Variants in NRXN3 observed in about 807,000 individuals in gnomAD.
NRXN3 encodes the protein neurexin III.
NRXN3 carries 32 observed loss-of-function variants against 137.6 expected under a neutral mutation model. The observed-to-expected ratio is 0.23, with a 90% CI of 0.18 to 0.31. The LOEUF is 0.31. Ranked by LOEUF, NRXN3 falls within the 10% of genes least tolerant of loss-of-function variation. NRXN3 has a pLI of 1.00. For synonymous variants in NRXN3, 798 were observed against 784.5 expected (o/e 1.02, Z -0.29); for missense variants, 1,574 against 2,062.5 (o/e 0.76, Z 4.59).
At chr14:79,719,370 G>C (rs192998787) in intron 19 of NRXN3, among the ~76,000 whole-genome samples, 1 of 150,160 alleles carries the variant, frequency 6.7e-6, no homozygotes, top group African/African-American at 2.5e-5. Flanking sequence ...TTGTGTGTAT[G>C]TGTATATATA....
chr14:79,080,636 C>T (rs1013005052), intron 15 of NRXN3, among the ~76,000 whole-genome samples: 1 of 152,190 alleles, frequency 6.6e-6, no homozygotes, highest in Admixed American at 6.5e-5. Flanking sequence ...TCACCAGCTT[C>T]CTTTGCTTTC....
At chr14:78,864,894 A>C (rs954183498) in intron 10 of NRXN3, among the ~76,000 whole-genome samples, 3 of 152,140 alleles carry the variant, frequency 2.0e-5, no homozygotes, top group Admixed American at 1.3e-4. Flanking sequence ...AGTTCTAGAG[A>C]GAATACCTCT....
intron 15 of NRXN3, among the ~76,000 whole-genome samples, chr14:79,057,268 C>T (rs2099666894): frequency 6.6e-6 from 1 of 152,144 alleles, no homozygotes; most frequent in Non-Finnish European, 1.5e-5. Flanking sequence ...AATCTAGAGC[C>T]TAATGAAAAT....
intron 15 of NRXN3, among the ~76,000 whole-genome samples, chr14:79,404,364 C>G (rs1048313962): frequency 6.6e-6 from 1 of 152,220 alleles, no homozygotes; most frequent in African/African-American, 2.4e-5. Flanking sequence ...ACCAAAGACT[C>G]TTTGGAATGG....
intron 9 of NRXN3, among the ~76,000 whole-genome samples, chr14:78,809,514 T>C (rs956836133): frequency 3.3e-5 from 5 of 152,134 alleles, no homozygotes; most frequent in Admixed American, 3.3e-4. Flanking sequence ...ACCCAATTCA[T>C]TGTGATAACA....
chr14:78,413,283 AGTTT>A (rs915808875), intron 4 of NRXN3, among the ~76,000 whole-genome samples: 2 of 152,088 alleles, frequency 1.3e-5, no homozygotes, highest in Admixed American at 6.6e-5. Flanking sequence ...AACAGGGCTA[AGTTT>A]GTTTGTTTGT....
At chr14:78,684,211 G>A (rs1186934749) in intron 6 of NRXN3, among the ~76,000 whole-genome samples, 1 of 152,134 alleles carries the variant, frequency 6.6e-6, no homozygotes, top group Non-Finnish European at 1.5e-5. Flanking sequence ...TGGATCTTTG[G>A]CAAGTATTAC....
At chr14:78,427,454 T>TACTC (rs1172099828) in intron 4 of NRXN3, among the ~76,000 whole-genome samples, 5 of 152,280 alleles carry the variant, frequency 3.3e-5, no homozygotes, top group Admixed American at 1.3e-4. Context: ...GTGAAATATT[T>TACTC]TGCCAGCTTT....
chr14:78,785,352 A>G (rs7493368), intron 8 of NRXN3, among the ~76,000 whole-genome samples: 4,259 of 152,266 alleles, frequency 0.028, 100 homozygotes, highest in Non-Finnish European at 0.04. Context: ...TTTGGGCACA[A>G]ATTAATGCTA....
intron 20 of NRXN3, among the ~76,000 whole-genome samples, chr14:79,821,661 C>T (rs1343549305): frequency 7.7e-6 from 1 of 130,432 alleles, no homozygotes; most frequent in Admixed American, 9.0e-5. Flanking sequence ...TCCCCTAAAG[C>T]TAAGACCTTT....
At chr14:78,257,166 A>G (rs991322976) in intron 2 of NRXN3, among the ~76,000 whole-genome samples, 7 of 152,174 alleles carry the variant, frequency 4.6e-5, no homozygotes, top group African/African-American at 1.7e-4. Context: ...TGGTATGAAC[A>G]TTTGTTGGGG....
chr14:78,839,690 TTC>T (rs1325593848), intron 10 of NRXN3, among the ~76,000 whole-genome samples: 2 of 152,136 alleles, frequency 1.3e-5, no homozygotes, highest in African/African-American at 4.8e-5. Flanking sequence ...CTGCCAACCT[TTC>T]TGCCTCCTGC....
At chr14:79,543,763 C>A (rs1247781472) in intron 16 of NRXN3, among the ~76,000 whole-genome samples, 11 of 152,168 alleles carry the variant, frequency 7.2e-5, no homozygotes, top group Non-Finnish European at 1.5e-5. Context: ...ACAGTGCAGG[C>A]CCCAATCAAA....
intron 15 of NRXN3, among the ~76,000 whole-genome samples, chr14:79,132,833 G>A (rs759176633): frequency 6.6e-6 from 1 of 152,242 alleles, no homozygotes; most frequent in Admixed American, 6.5e-5. Flanking sequence ...AAGTTGAGCT[G>A]CGATGCAGGC....
At chr14:79,375,408 G>A (rs977687937) in intron 15 of NRXN3, among the ~76,000 whole-genome samples, 2 of 151,516 alleles carry the variant, frequency 1.3e-5, no homozygotes, top group Admixed American at 6.6e-5. Context: ...GGAATGGATC[G>A]TACATGCTCA....
At chr14:78,210,905 G>A (rs1469270126) in intron 1 of NRXN3, among the ~76,000 whole-genome samples, 1 of 152,108 alleles carries the variant, frequency 6.6e-6, no homozygotes, top group African/African-American at 2.4e-5. Context: ...AGCATGTGCT[G>A]TAGATCCAGG....
chr14:79,289,925 G>A (rs929838793), intron 15 of NRXN3, among the ~76,000 whole-genome samples: 2 of 152,072 alleles, frequency 1.3e-5, no homozygotes, highest in African/African-American at 4.8e-5. Flanking sequence ...CAGCTATTGA[G>A]TGGCTATGAA....
At chr14:79,619,752 C>A (rs221500) in intron 16 of NRXN3, among the ~76,000 whole-genome samples, 1 of 151,722 alleles carries the variant, frequency 6.6e-6, no homozygotes, top group South Asian at 2.1e-4. Context: ...TAAGAGATAC[C>A]AAATACAGGT....
chr14:78,508,596 C>A (rs901120611), intron 4 of NRXN3, among the ~76,000 whole-genome samples: 1 of 151,984 alleles, frequency 6.6e-6, no homozygotes, highest in Non-Finnish European at 1.5e-5. Context: ...ACCAGGCACA[C>A]TGAAGTAAGT....
Sources: gnomAD v4.1 joint callset for allele counts (sites outside exome capture counted in the v4.1 genomes callset) on GRCh38, gnomAD v4.1.1 for gene constraint, MANE v1.5 for transcripts, NCBI Gene and HGNC (gene_info 2026-07-23, HGNC 2026-07-21) for gene names.